GRIK2: variants seen among roughly 807,000 people sequenced by gnomAD.
GRIK2 encodes the protein glutamate ionotropic receptor kainate type subunit 2.
In GRIK2, 32 loss-of-function variants were observed where a neutral mutation model predicts 100.3. The ratio of observed to expected loss-of-function variants is 0.32; its 90% CI spans 0.24 to 0.43. The LOEUF (loss-of-function observed/expected upper bound fraction) is 0.43. GRIK2 is among the 20% of genes least tolerant of loss of function. The probability of loss-of-function intolerance (pLI) is 1.00; values close to 1 mark genes in which losing one functional copy is unlikely to be tolerated. For missense variants in GRIK2, 843 were observed against 1,114.9 expected (o/e 0.76, Z 3.47); for synonymous variants, 417 against 389.4 (o/e 1.07, Z -0.83).
At chr6:102,027,769 T>A (rs1281434870) in intron 14 of GRIK2, among the ~76,000 whole-genome samples, 1 of 151,110 alleles carries the variant, frequency 6.6e-6, no homozygotes, top group Non-Finnish European at 1.5e-5. Flanking sequence ...AGATGGTTTC[T>A]AAATTTTAAT....
chr6:101,992,294 T>C (rs1242222425), intron 14 of GRIK2, among the ~76,000 whole-genome samples: 1 of 151,538 alleles, frequency 6.6e-6, no homozygotes, highest in South Asian at 2.1e-4. Context: ...TTTGAATAAA[T>C]AGATTGCTCT....
chr6:101,907,881 A>G (rs1456908107), intron 12 of GRIK2, among the ~76,000 whole-genome samples: 1 of 151,586 alleles, frequency 6.6e-6, no homozygotes, highest in Non-Finnish European at 1.5e-5. Flanking sequence ...CCTTTAAGAC[A>G]TTAAGTAGAC....
chr6:101,992,907 C>T (rs1263456971), intron 14 of GRIK2, among the ~76,000 whole-genome samples: 1 of 151,434 alleles, frequency 6.6e-6, no homozygotes, highest in Non-Finnish European at 1.5e-5. Flanking sequence ...TTTTATTTAA[C>T]ACATAATTTA....
At chr6:101,838,383 C>A (rs1322909472) in intron 10 of GRIK2, among the ~76,000 whole-genome samples, 1 of 152,044 alleles carries the variant, frequency 6.6e-6, no homozygotes, top group East Asian at 1.9e-4. Context: ...ATCAACCCAC[C>A]AAGATTCCTT....
At chr6:102,061,725 G>A (rs776784643) in intron 16 of GRIK2, among the ~76,000 whole-genome samples, 2 of 150,178 alleles carry the variant, frequency 1.3e-5, no homozygotes, top group African/African-American at 2.4e-5. Context: ...CCATAAAAAC[G>A]GTGTTTTAAG....
intron 2 of GRIK2, among the ~76,000 whole-genome samples, chr6:101,581,736 A>G (rs1179248299): frequency 6.6e-6 from 1 of 152,196 alleles, no homozygotes; most frequent in Admixed American, 6.6e-5. Context: ...TGTCTGTAGT[A>G]TAAGATAGAA....
intron 2 of GRIK2, among the ~76,000 whole-genome samples, chr6:101,560,086 T>C (rs1776929898): frequency 6.6e-6 from 1 of 152,060 alleles, no homozygotes; most frequent in East Asian, 1.9e-4. Context: ...TGGTTAGGAA[T>C]TAGTTTTTAG....
chr6:101,556,436 G>T, intron 2 of GRIK2, among the ~76,000 whole-genome samples: 1 of 142,048 alleles, frequency 7.0e-6, no homozygotes, highest in Non-Finnish European at 1.5e-5. Flanking sequence ...CCAGGTTCAC[G>T]CCATTCTCCT....
chr6:101,899,165 C>A (rs2128460940), intron 12 of GRIK2, among the ~76,000 whole-genome samples: 1 of 147,308 alleles, frequency 6.8e-6, no homozygotes, highest in East Asian at 2.0e-4. Flanking sequence ...ATTTCAATAT[C>A]TTTGGATAGA....
At chr6:101,632,606 G>A (rs1780809085) in intron 4 of GRIK2, among the ~76,000 whole-genome samples, 1 of 152,008 alleles carries the variant, frequency 6.6e-6, no homozygotes, top group Admixed American at 6.6e-5. Flanking sequence ...AGTGAATTGT[G>A]TTTCTTTGAT....
At chr6:101,836,965 G>C (rs892011291) in intron 10 of GRIK2, among the ~76,000 whole-genome samples, 2 of 151,902 alleles carry the variant, frequency 1.3e-5, no homozygotes, top group East Asian at 1.9e-4. Flanking sequence ...TGCCTGGCCT[G>C]TTGCATTATA....
chr6:102,039,800 A>G (rs1770470618), intron 15 of GRIK2, among the ~76,000 whole-genome samples: 2 of 151,496 alleles, frequency 1.3e-5, no homozygotes, highest in Admixed American at 1.3e-4. Flanking sequence ...GCTTTGCTTT[A>G]TGCAATTTGG....
intron 2 of GRIK2, among the ~76,000 whole-genome samples, chr6:101,445,850 T>C (rs1174397794): frequency 6.6e-6 from 1 of 152,202 alleles, no homozygotes; most frequent in East Asian, 1.9e-4. Flanking sequence ...TACCTATGAA[T>C]GAGGCCAAAA....
chr6:101,610,360 A>G (rs1025557109), intron 2 of GRIK2, among the ~76,000 whole-genome samples: 1 of 151,772 alleles, frequency 6.6e-6, no homozygotes, highest in African/African-American at 2.4e-5. Context: ...CATCTTTTAA[A>G]TTACTATTTC....
intron 14 of GRIK2, among the ~76,000 whole-genome samples, chr6:102,003,750 A>C (rs2114273134): frequency 6.6e-6 from 1 of 151,812 alleles, no homozygotes; most frequent in East Asian, 1.9e-4. Flanking sequence ...TCACATCTAG[A>C]GTTGCTGTTG....
chr6:101,482,995 C>T (rs968170399), intron 2 of GRIK2, among the ~76,000 whole-genome samples: 6 of 152,130 alleles, frequency 3.9e-5, no homozygotes, highest in African/African-American at 1.4e-4. Context: ...TTACATCCAA[C>T]GTGTAATTAT....
intron 2 of GRIK2, among the ~76,000 whole-genome samples, chr6:101,586,086 T>C (rs1172152471): frequency 6.6e-6 from 1 of 152,040 alleles, no homozygotes; most frequent in Non-Finnish European, 1.5e-5. Context: ...TTTGGGAGTT[T>C]AGTCCTGAAG....
At chr6:101,740,913 C>G (rs1775986305) in intron 7 of GRIK2, among the ~76,000 whole-genome samples, 1 of 152,190 alleles carries the variant, frequency 6.6e-6, no homozygotes, top group Non-Finnish European at 1.5e-5. Context: ...ACACCTCCCA[C>G]TAGATCCCAC....
At chr6:101,848,071 TC>T (rs1783911098) in intron 10 of GRIK2, among the ~76,000 whole-genome samples, 1 of 152,022 alleles carries the variant, frequency 6.6e-6, no homozygotes, top group Non-Finnish European at 1.5e-5. Context: ...ACGTAACAAT[TC>T]TGTAAGAATA....
Sources: allele counts gnomAD v4.1 joint callset (sites outside exome capture counted in the v4.1 genomes callset), GRCh38; gene constraint gnomAD v4.1.1; transcripts MANE v1.5; gene names NCBI Gene and HGNC (gene_info 2026-07-23, HGNC 2026-07-21).